SYNE1: variants seen among roughly 807,000 people sequenced by gnomAD.
SYNE1 encodes the protein nesprin-1.
SYNE1 carries 616 observed loss-of-function variants against 1,111.0 expected under a neutral mutation model. The observed-to-expected ratio is 0.55, with a 90% CI of 0.52 to 0.59. SYNE1 has a LOEUF of 0.59. Ranked by LOEUF, SYNE1 falls within the 20% of genes least tolerant of loss-of-function variation. SYNE1 has a pLI of 0.00. For synonymous variants in SYNE1, 3,855 were observed against 3,825.8 expected (o/e 1.01, Z -0.28); for missense variants, 10,006 against 10,417.0 (o/e 0.96, Z 1.72).
intron 3 of SYNE1, among the ~76,000 whole-genome samples, chr6:152,608,992 A>T (rs899995556): frequency 6.6e-6 from 1 of 152,118 alleles, no homozygotes; most frequent in Non-Finnish European, 1.5e-5. Context: ...AGATTTTTCC[A>T]GACCCATTCC....
At chr6:152,473,829 T>C (rs548479968) in intron 14 of SYNE1, among the ~76,000 whole-genome samples, 1 of 152,290 alleles carries the variant, frequency 6.6e-6, no homozygotes, top group South Asian at 2.1e-4. Context: ...TTTTTAAGTA[T>C]CTACTATATT....
intron 3 of SYNE1, among the ~76,000 whole-genome samples, chr6:152,607,061 T>C (rs191536822): frequency 0.019 from 2,682 of 139,436 alleles, 37 homozygotes; most frequent in Non-Finnish European, 0.029. Context: ...CTCGTCTCAC[T>C]GCAAGCTCCA....
intron 3 of SYNE1, among the ~76,000 whole-genome samples, chr6:152,614,098 A>G (rs530271183): frequency 6.6e-6 from 1 of 152,336 alleles, no homozygotes; most frequent in East Asian, 1.9e-4. Flanking sequence ...TGACTAAAAC[A>G]CCAAAAGCAA....
Position 152,430,649 on chromosome 6 carries a change from G to A in SYNE1, c.4522C>T (p.Gln1508Ter). 6.2e-7 allele frequency: 1 copy of A among 1,614,094 alleles called. No homozygotes were observed. The highest frequency in any genetic ancestry group is 8.5e-7 in the Non-Finnish European group (1 of 1,179,986). The change falls in exon 35 of 146, where the codon CAG (glutamine) becomes TAG (stop). Residue 1508 changes from glutamine (Q) to a stop codon, truncating the protein, a stop_gained. Coordinates refer to ENST00000367255, the MANE Select transcript of SYNE1 (RefSeq NM_182961.4). LOFTEE classifies it high-confidence loss of function. ...SSIVGLEEEA[Q>*]SFAQFVTTGE... is the part of the protein sequence containing the mutation. ...GTGGTAACAAACTGAGCAAAAGACT[G>A]GGCTTCTTCTTCTAATCCTACAATG...
intron 98 of SYNE1, among the ~76,000 whole-genome samples, chr6:152,277,257 T>C (rs1316603296): frequency 4.8e-5 from 7 of 145,760 alleles, no homozygotes; most frequent in East Asian, 2.0e-4. Flanking sequence ...CACTCCTTTT[T>C]CTTTTTCTTT....
chr6:152,560,345 G>A (rs2099391155), intron 3 of SYNE1, among the ~76,000 whole-genome samples: 1 of 152,046 alleles, frequency 6.6e-6, no homozygotes, highest in Non-Finnish European at 1.5e-5. Context: ...CCGCCTGTGT[G>A]ACAGAGCGAG....
At chr6:152,422,399 C>T (rs1290273637) in intron 39 of SYNE1, among the ~76,000 whole-genome samples, 1 of 152,200 alleles carries the variant, frequency 6.6e-6, no homozygotes, top group Non-Finnish European at 1.5e-5. Flanking sequence ...GACTAAGAGA[C>T]TGACTAAAGA....
chr6:152,283,949 G>A, intron 96 of SYNE1, 29 bp downstream of exon 96: 6 of 1,571,614 alleles, frequency 3.8e-6, no homozygotes, highest in African/African-American at 1.3e-5. Flanking sequence ...ACTCAGAAGT[G>A]AGGAGGCCAC....
chr6:152,355,010 T>A (rs1466667510), intron 66 of SYNE1, 34 bp from the exon 67 acceptor site: 1 of 1,609,520 alleles, frequency 6.2e-7, no homozygotes, highest in African/African-American at 1.3e-5. Context: ...TCACTCTCAA[T>A]CATATTTCAC....
chr6:152,375,709 C>A (rs935373320), intron 58 of SYNE1, among the ~76,000 whole-genome samples: 3 of 152,180 alleles, frequency 2.0e-5, no homozygotes, highest in African/African-American at 7.2e-5. Flanking sequence ...CTGACAGTAA[C>A]AAATTTACAT....
intron 98 of SYNE1, among the ~76,000 whole-genome samples, chr6:152,272,903 T>C (rs549759192): frequency 1.2e-4 from 19 of 152,326 alleles, no homozygotes; most frequent in African/African-American, 4.6e-4. Flanking sequence ...TTATTTTTAG[T>C]TTTCTACATA....
At chr6:152,632,909 G>A (rs1205081359) in intron 2 of SYNE1, among the ~76,000 whole-genome samples, 1 of 152,062 alleles carries the variant, frequency 6.6e-6, no homozygotes, top group Non-Finnish European at 1.5e-5. Context: ...TGCAATATGA[G>A]AGACGGCCCT....
chr6:152,444,630 G>A, intron 29 of SYNE1, 52 bp from the exon 30 acceptor site: 1 of 1,535,418 alleles, frequency 6.5e-7, no homozygotes, highest in Non-Finnish European at 8.8e-7. Flanking sequence ...ACTTGTTGAA[G>A]TTTGTATAAT....
intron 130 of SYNE1, among the ~76,000 whole-genome samples, chr6:152,167,520 G>A (rs970837901): frequency 6.6e-6 from 1 of 152,000 alleles, no homozygotes; most frequent in Non-Finnish European, 1.5e-5. Context: ...CTAAACATTT[G>A]CATAATGCAC....
intron 121 of SYNE1, among the ~76,000 whole-genome samples, chr6:152,215,940 G>A (rs778277287): frequency 1.4e-4 from 22 of 152,138 alleles, no homozygotes; most frequent in Non-Finnish European, 2.1e-4. Flanking sequence ...TCTCTGACCC[G>A]CCACCCCACA....
chr6:152,381,357 C>A lies in SYNE1; in HGVS notation c.8658G>T (p.Leu2886=), dbSNP rs1456883634. Residue 2886 remains leucine, a synonymous_variant, in exon 56 of 146, where the codon CTG becomes CTT. Coordinates refer to ENST00000367255, the MANE Select transcript of SYNE1 (RefSeq NM_182961.4). The part of the protein sequence containing the change: ...TQKKLSKIKE[L]IDSREIGASR... ...TTGCACCAATCTCTCTGGAATCTATCAGCTCCTGTAATGGAATATCACCAT... is the reference window on the plus strand; with the variant it reads ...TTGCACCAATCTCTCTGGAATCTATAAGCTCCTGTAATGGAATATCACCAT... 4 of 1,613,274 alleles carry A rather than the reference C, an allele frequency of 2.5e-6. No homozygotes were observed. The highest frequency in any genetic ancestry group is 3.4e-6 in the Non-Finnish European group (4 of 1,180,022).
intron 9 of SYNE1, 63 bp downstream of exon 9, chr6:152,505,138 G>C: frequency 6.4e-7 from 1 of 1,565,332 alleles, no homozygotes; most frequent in Non-Finnish European, 8.8e-7. Context: ...GTGTATTTCT[G>C]GGTTTAAGAC....
chr6:152,579,947 C>T (rs1162000287), intron 3 of SYNE1, among the ~76,000 whole-genome samples: 2 of 152,118 alleles, frequency 1.3e-5, no homozygotes, highest in African/African-American at 2.4e-5. Context: ...CATGTCTTTG[C>T]GATTGTGAAG....
At chr6:152,391,167 C>A in intron 52 of SYNE1, 110 bp downstream of exon 52, 9 of 1,538,222 alleles carry the variant, frequency 5.9e-6, no homozygotes, top group Non-Finnish European at 8.0e-6. Flanking sequence ...TTTGCCCACA[C>A]AATCCTCATT....
Sources: allele counts gnomAD v4.1 joint callset (sites outside exome capture counted in the v4.1 genomes callset), GRCh38; gene constraint gnomAD v4.1.1; transcripts MANE v1.5; gene names NCBI Gene and HGNC (gene_info 2026-07-23, HGNC 2026-07-21).